Variants in DUS2 observed in about 807,000 individuals in gnomAD.
The protein encoded by DUS2 is tRNA-dihydrouridine(20) synthase [NAD(P)+]-like.
A neutral mutation model predicts 71.3 loss-of-function variants in DUS2; 52 were observed. The observed-to-expected ratio is 0.73, with a 90% CI of 0.58 to 0.92. DUS2 has a LOEUF of 0.92. Ranked by LOEUF, DUS2 falls within the 40% of genes least tolerant of loss-of-function variation. DUS2 has a pLI of 0.00. For synonymous variants in DUS2, 204 were observed against 227.8 expected, an observed-to-expected ratio of 0.90 and a Z score of 0.94; for missense variants, 558 against 622.6, an observed-to-expected ratio of 0.90 and a Z score of 1.10.
intron 2 of DUS2, among the ~76,000 whole-genome samples, chr16:68,033,749 A>G (rs995220088): frequency 2.7e-4 from 40 of 148,520 alleles, no homozygotes; most frequent in African/African-American, 9.7e-4. Flanking sequence ...CTCTTGCCTC[A>G]GCCTCCTGAG....
chr16:68,046,721 T>C (rs1168119498), intron 3 of DUS2, among the ~76,000 whole-genome samples: 1 of 152,178 alleles, frequency 6.6e-6, no homozygotes, highest in African/African-American at 2.4e-5. Flanking sequence ...TTCTTTAAGG[T>C]CAGAAGTAAC....
chr16:68,058,609 G>A (rs2033895008), intron 7 of DUS2, among the ~76,000 whole-genome samples: 1 of 151,886 alleles, frequency 6.6e-6, no homozygotes, highest in African/African-American at 2.4e-5. Flanking sequence ...AGGGTAAGGT[G>A]GTATATACCA....
intron 8 of DUS2, among the ~76,000 whole-genome samples, chr16:68,065,515 C>T (rs1158048860): frequency 1.3e-5 from 2 of 152,048 alleles, no homozygotes; most frequent in African/African-American, 4.8e-5. Context: ...ATGGTGGTCC[C>T]AGCTACTCTG....
Position 68,050,321 on chromosome 16 carries a change from A to C in DUS2, c.172+771A>C, listed in dbSNP as rs573002378. Among the ~76,000 whole-genome samples the C allele has an allele frequency of 2.0e-5, 3 of 152,220 alleles. No individual in the cohort carries two copies. The East Asian group carries it at 5.8e-4, about 29-fold the overall frequency. ...CCCGGCTAATTTTTGTATTTTTAGT[A>C]GAGAAGGGGTTTCACCATGGCGGCC... On this transcript the variant is annotated intron_variant, in intron 4 of 16. Transcript: ENST00000565263.
chr16:68,049,872 C>A (rs1310427725), intron 4 of DUS2, among the ~76,000 whole-genome samples: 1 of 152,192 alleles, frequency 6.6e-6, no homozygotes, highest in Non-Finnish European at 1.5e-5. Flanking sequence ...AGATGTGTGA[C>A]CTTGGGCAGG....
At chr16:68,029,841 G>A (rs1300101620) in intron 2 of DUS2, among the ~76,000 whole-genome samples, 8 of 151,400 alleles carry the variant, frequency 5.3e-5, no homozygotes, top group Non-Finnish European at 8.8e-5. Flanking sequence ...AGTGGCTCAC[G>A]CCTGTAATCC....
chr16:68,069,970 G>T (rs1007249607), intron 10 of DUS2, among the ~76,000 whole-genome samples, 164 bp from the exon 11 acceptor site: 1 of 152,188 alleles, frequency 6.6e-6, no homozygotes, highest in Non-Finnish European at 1.5e-5. Flanking sequence ...TCTCCAGAGG[G>T]CAGGGAGAGC....
At chr16:68,068,935 C>G (rs913758675) in intron 10 of DUS2, among the ~76,000 whole-genome samples, 4 of 151,936 alleles carry the variant, frequency 2.6e-5, no homozygotes, top group Non-Finnish European at 4.4e-5. Flanking sequence ...TTATTTTTTA[C>G]CCGTAGTTGG....
intron 7 of DUS2, among the ~76,000 whole-genome samples, 191 bp downstream of exon 7, chr16:68,056,615 T>A (rs2033856072): frequency 6.6e-6 from 1 of 152,004 alleles, no homozygotes; most frequent in African/African-American, 2.4e-5. Flanking sequence ...ATATACTGTA[T>A]CAATGTAAAC....
At chr16:68,034,822 C>A (rs1233774960) in intron 2 of DUS2, among the ~76,000 whole-genome samples, 1 of 152,034 alleles carries the variant, frequency 6.6e-6, no homozygotes, top group Non-Finnish European at 1.5e-5. Flanking sequence ...ATGGCAAAGC[C>A]CCATTTCTAC....
chr16:68,041,420 G>C (rs2055921012), intron 3 of DUS2, among the ~76,000 whole-genome samples: 1 of 152,140 alleles, frequency 6.6e-6, no homozygotes, highest in Non-Finnish European at 1.5e-5. Flanking sequence ...TCTGTGAAGA[G>C]ACACTGACCT....
At chr16:68,069,444 A>G (rs953995513) in intron 10 of DUS2, among the ~76,000 whole-genome samples, 2 of 152,176 alleles carry the variant, frequency 1.3e-5, no homozygotes, top group Admixed American at 1.3e-4. Flanking sequence ...AGAGCTGGAC[A>G]AGGGCTATCT....
At chr16:68,030,602 A>G (rs913476808) in intron 2 of DUS2, among the ~76,000 whole-genome samples, 1 of 152,128 alleles carries the variant, frequency 6.6e-6, no homozygotes, top group Admixed American at 6.6e-5. Flanking sequence ...AAAAATAAAT[A>G]AATAAATAAA....
intron 7 of DUS2, 143 bp downstream of exon 7, chr16:68,056,567 T>C (rs561999674): frequency 4.6e-6 from 3 of 646,160 alleles, no homozygotes. Context: ...TTAGATGAAC[T>C]GACAACATTA....
At chr16:68,025,891 A>G (rs935678207) in intron 2 of DUS2, among the ~76,000 whole-genome samples, 1 of 152,200 alleles carries the variant, frequency 6.6e-6, no homozygotes, top group African/African-American at 2.4e-5. Context: ...TCAATCATTC[A>G]TTCAACAAAT....
chr16:68,035,881 A>ATT (rs1348671033), intron 2 of DUS2, among the ~76,000 whole-genome samples: 14 of 90,472 alleles, frequency 1.5e-4, no homozygotes, highest in African/African-American at 8.0e-4. Flanking sequence ...CATCCCGCTA[A>ATT]TTTTATATAT....
intron 3 of DUS2, among the ~76,000 whole-genome samples, chr16:68,047,406 A>G (rs1471339593): frequency 6.6e-6 from 1 of 151,904 alleles, no homozygotes; most frequent in Non-Finnish European, 1.5e-5. Context: ...TTCCACTGGT[A>G]GTCTAGCTAA....
intron 13 of DUS2, 92 bp downstream of exon 13, chr16:68,074,247 A>G: frequency 6.6e-7 from 1 of 1,509,232 alleles, no homozygotes; most frequent in Non-Finnish European, 9.1e-7. Context: ...GGGACCAGGG[A>G]CACAGCTTCT....
chr16:68,059,728 A>G (rs905756700), intron 7 of DUS2, among the ~76,000 whole-genome samples: 4 of 152,224 alleles, frequency 2.6e-5, no homozygotes, highest in Admixed American at 1.3e-4. Context: ...TGTAATCTTT[A>G]TACTGGCAGC....
Sources: allele counts gnomAD v4.1 joint callset (sites outside exome capture counted in the v4.1 genomes callset), GRCh38; gene constraint gnomAD v4.1.1; transcripts MANE v1.5; gene names NCBI Gene and HGNC (gene_info 2026-07-23, HGNC 2026-07-21).